DGKB: variants seen among roughly 807,000 people sequenced by gnomAD.
DGKB encodes 90 kDa diacylglycerol kinase.
In DGKB, 67 loss-of-function variants were observed where a neutral mutation model predicts 114.3. That is an observed-to-expected ratio of 0.59 (90% confidence interval 0.48 to 0.72). The LOEUF is 0.72. Ranked by LOEUF, DGKB falls within the 30% of genes least tolerant of loss-of-function variation. The probability of loss-of-function intolerance (pLI) is 0.00; values close to 1 mark genes in which losing one functional copy is unlikely to be tolerated. For synonymous variants in DGKB, 398 were observed against 323.1 expected (o/e 1.23, Z -2.49); for missense variants, 907 against 975.2 (o/e 0.93, Z 0.93).
At chr7:14,842,240 ATTAC>A (rs1410368975) in intron 1 of DGKB, among the ~76,000 whole-genome samples, 2 of 152,228 alleles carry the variant, frequency 1.3e-5, no homozygotes, top group African/African-American at 2.4e-5. Context: ...TACAGATGTC[ATTAC>A]TTAAAGTCAC....
At chr7:14,772,616 T>C (rs1837583002) in intron 2 of DGKB, among the ~76,000 whole-genome samples, 1 of 152,158 alleles carries the variant, frequency 6.6e-6, no homozygotes, top group African/African-American at 2.4e-5. Context: ...CTATTGGATA[T>C]GATTATGACA....
chr7:14,789,685 C>A (rs1443770297), intron 2 of DGKB, among the ~76,000 whole-genome samples: 1 of 151,828 alleles, frequency 6.6e-6, no homozygotes, highest in East Asian at 1.9e-4. Flanking sequence ...TTCCCAGTAG[C>A]TGGGACTTAC....
chr7:14,661,670 A>G (rs568545419), intron 13 of DGKB, among the ~76,000 whole-genome samples: 358 of 152,034 alleles, frequency 2.4e-3, no homozygotes, highest in African/African-American at 7.5e-3. Flanking sequence ...ATCTAGAACT[A>G]GAAATACCAT....
At chr7:14,716,300 C>T (rs1828176698) in intron 6 of DGKB, among the ~76,000 whole-genome samples, 1 of 152,260 alleles carries the variant, frequency 6.6e-6, no homozygotes, top group African/African-American at 2.4e-5. Context: ...CCCAGGCCAG[C>T]TGAATCAGAT....
chr7:14,256,579 G>C (rs1796003800), intron 23 of DGKB, among the ~76,000 whole-genome samples: 1 of 152,010 alleles, frequency 6.6e-6, no homozygotes, highest in African/African-American at 2.4e-5. Context: ...GAAATGATCT[G>C]TTTTACATGT....
intron 21 of DGKB, among the ~76,000 whole-genome samples, chr7:14,387,585 T>C (rs1440091054): frequency 6.6e-6 from 1 of 151,962 alleles, no homozygotes; most frequent in Non-Finnish European, 1.5e-5. Context: ...GCTAATTGTT[T>C]TGTTTGTTTT....
intron 23 of DGKB, among the ~76,000 whole-genome samples, chr7:14,254,961 T>G (rs1733718139): frequency 6.6e-6 from 1 of 152,130 alleles, no homozygotes; most frequent in African/African-American, 2.4e-5. Context: ...ACAACTGGGT[T>G]TTTCTTTTAA....
Position 14,536,847 on chromosome 7 carries a change from ACAAC to A in DGKB, c.1770+37361_1770+37364del, listed in dbSNP as rs532831902. ...CAAGAGCAATTAAGAAAGGAAAAAAACAACAACAAGGCATCCAAATTAGATAAGA... is the reference window on the plus strand; with the variant it reads ...CAAGAGCAATTAAGAAAGGAAAAAAAAACAAGGCATCCAAATTAGATAAGA... On this transcript the variant is annotated intron_variant, in intron 20 of 25. Coordinates refer to ENST00000402815, the MANE Select transcript of DGKB (RefSeq NM_001350709.2). Among the ~76,000 whole-genome samples, 5 of 152,026 alleles carry A rather than the reference ACAAC, an allele frequency of 3.3e-5. No homozygotes were observed. In the East Asian group the frequency reaches 9.7e-4, roughly 30 times the overall value.
chr7:14,235,259 T>C (rs1462437740), intron 23 of DGKB, among the ~76,000 whole-genome samples: 1 of 152,088 alleles, frequency 6.6e-6, no homozygotes, highest in African/African-American at 2.4e-5. Context: ...CATGTTTTGT[T>C]CATTGTCCCG....
chr7:14,314,918 A>G (rs1440410285), intron 23 of DGKB, among the ~76,000 whole-genome samples: 1 of 151,954 alleles, frequency 6.6e-6, no homozygotes, highest in Non-Finnish European at 1.5e-5. Flanking sequence ...AGCCCATCAG[A>G]CTAACAGCGG....
At chr7:14,689,867 C>T (rs998932965) in intron 9 of DGKB, among the ~76,000 whole-genome samples, 20 of 152,168 alleles carry the variant, frequency 1.3e-4, no homozygotes, top group Non-Finnish European at 2.6e-4. Flanking sequence ...TCAGAGAACA[C>T]ACTGCATATT....
chr7:14,535,252 C>T (rs980806041), intron 20 of DGKB, among the ~76,000 whole-genome samples: 1 of 151,792 alleles, frequency 6.6e-6, no homozygotes, highest in Non-Finnish European at 1.5e-5. Context: ...GTCTGTAGTT[C>T]CAGCTACTCA....
intron 23 of DGKB, among the ~76,000 whole-genome samples, chr7:14,276,743 T>G (rs1407176009): frequency 1.1e-4 from 17 of 151,964 alleles, no homozygotes. Flanking sequence ...ATATGGATTA[T>G]CTCACTTAAC....
chr7:14,933,840 G>C (rs1373901646), intron 1 of DGKB, among the ~76,000 whole-genome samples: 1 of 151,964 alleles, frequency 6.6e-6, no homozygotes, highest in East Asian at 1.9e-4. Flanking sequence ...AGCCCTAGAA[G>C]TTCCTCTGTT....
intron 2 of DGKB, among the ~76,000 whole-genome samples, chr7:14,797,548 G>A (rs752984510): frequency 3.9e-5 from 6 of 152,046 alleles, no homozygotes; most frequent in Non-Finnish European, 7.4e-5. Context: ...GATAAAATCA[G>A]GCTTTTTCAG....
chr7:14,544,073 T>C (rs1370420717), intron 20 of DGKB, among the ~76,000 whole-genome samples: 1 of 152,210 alleles, frequency 6.6e-6, no homozygotes, highest in East Asian at 1.9e-4. Flanking sequence ...AGAATCCAAA[T>C]CAGGAGATAA....
intron 13 of DGKB, among the ~76,000 whole-genome samples, chr7:14,650,278 G>A (rs1225056557): frequency 1.4e-4 from 10 of 70,306 alleles, no homozygotes; most frequent in Non-Finnish European, 2.7e-4. Flanking sequence ...TAAAAGAACA[G>A]AAATTATAAC....
intron 23 of DGKB, among the ~76,000 whole-genome samples, chr7:14,310,384 G>T (rs1585056463): frequency 1.3e-5 from 2 of 152,272 alleles, no homozygotes; most frequent in East Asian, 3.9e-4. Context: ...ATTGACAGAA[G>T]AAACATAGAT....
chr7:14,635,501 A>G (rs1810570062), intron 13 of DGKB, among the ~76,000 whole-genome samples: 1 of 151,468 alleles, frequency 6.6e-6, no homozygotes, highest in South Asian at 2.1e-4. Flanking sequence ...TGTTCTTTCC[A>G]AAGACTGAGC....
Sources: gnomAD v4.1 joint callset for allele counts (sites outside exome capture counted in the v4.1 genomes callset) on GRCh38, gnomAD v4.1.1 for gene constraint, MANE v1.5 for transcripts, NCBI Gene and HGNC (gene_info 2026-07-23, HGNC 2026-07-21) for gene names.